Variants in TRERF1 observed in about 807,000 individuals in gnomAD.
The protein encoded by TRERF1 is transcriptional regulating factor 1.
A neutral mutation model predicts 122.9 loss-of-function variants in TRERF1; 27 were observed. The ratio of observed to expected loss-of-function variants is 0.22; its 90% CI spans 0.16 to 0.30. The LOEUF is 0.30. Ranked by LOEUF, TRERF1 falls within the 10% of genes least tolerant of loss-of-function variation. The pLI is 1.00. For synonymous variants in TRERF1, 636 were observed against 641.7 expected (o/e 0.99, Z 0.13); for missense variants, 1,248 against 1,560.3 (o/e 0.80, Z 3.37).
In TRERF1 at chr6:42,427,414, T is replaced by C. The variant is rs141244230; in HGVS notation, c.-454+23763A>G. Among the ~76,000 whole-genome samples the C allele has an allele frequency of 6.6e-5, 10 of 151,940 alleles. No individual in the cohort carries two copies. In the East Asian group the frequency reaches 1.4e-3, roughly 21 times the overall value. Reference sequence around the variant, plus strand: ...CTAGGACTATAGGCGTGCACCACTATGCCCAGCTAACTTTTTTGTAGAGAC... The same window carrying C: ...CTAGGACTATAGGCGTGCACCACTACGCCCAGCTAACTTTTTTGTAGAGAC... On this transcript the variant is annotated intron_variant, in intron 2 of 17. Coordinates refer to ENST00000372922, the Ensembl canonical transcript of TRERF1.
chr6:42,264,683 C>G (rs778595170), intron 7 of TRERF1, 21 bp downstream of exon 7: 2 of 1,611,642 alleles, frequency 1.2e-6, no homozygotes, highest in Non-Finnish European at 1.7e-6. Context: ...TAGAAAGGAC[C>G]GGGAACTGGC....
At chr6:42,408,239 ATGTATATATACATACACATG>A (rs1780515019) in intron 2 of TRERF1, among the ~76,000 whole-genome samples, 1 of 100,452 alleles carries the variant, frequency 1.0e-5, no homozygotes, top group Non-Finnish European at 1.9e-5. Flanking sequence ...GTGTGTGTGT[ATGTATATATACATACACATG>A]TGTGTGTATG....
In TRERF1 at chr6:42,228,320, C is replaced by T. The variant is rs1249366604; in HGVS notation, c.*25G>A. On this transcript the variant is annotated 3_prime_UTR_variant, in exon 18 of 18. Coordinates refer to ENST00000372922, the Ensembl canonical transcript of TRERF1. The surrounding 1 kb of genome is among the most constrained non-coding windows in gnomAD (Gnocchi z 4.2). ...TGAAGATGGAGGCCGTGGGTTTTCA[C>T]TGTCTCTAAGTGACACACAGGGCTT... 1.3e-6 allele frequency: 2 copies of T among 1,557,624 alleles called. No individual in the cohort carries two copies. Among genetic ancestry groups the T allele is most frequent in the Non-Finnish European group, 8.7e-7 (1 of 1,149,654 alleles).
intron 2 of TRERF1, among the ~76,000 whole-genome samples, chr6:42,367,812 CT>C (rs1240205018): frequency 6.6e-6 from 1 of 152,066 alleles, no homozygotes; most frequent in Non-Finnish European, 1.5e-5. Context: ...CATTTTTCAG[CT>C]GGGAGATCTT....
intron 3 of TRERF1, among the ~76,000 whole-genome samples, chr6:42,321,694 A>G (rs950371525): frequency 6.6e-6 from 1 of 152,222 alleles, no homozygotes; most frequent in Non-Finnish European, 1.5e-5. Flanking sequence ...ACTCCAGCAG[A>G]GTGTTACTAT....
chr6:42,335,340 G>C (rs1172790378), intron 3 of TRERF1, among the ~76,000 whole-genome samples: 1 of 152,172 alleles, frequency 6.6e-6, no homozygotes, highest in East Asian at 1.9e-4. Flanking sequence ...AACAGCAGCA[G>C]CCAACCACAC....
chr6:42,269,645 A>G lies in TRERF1; in HGVS notation c.-55T>C. ...CACAAAACCATAAAAAAGGTAAATA[A>G]AACAAACCCAAAAGGACTGAAACCC... On this transcript the variant is annotated 5_prime_UTR_variant, in exon 5 of 18. Coordinates refer to ENST00000372922, the Ensembl canonical transcript of TRERF1. The surrounding 1 kb of genome is among the most constrained non-coding windows in gnomAD (Gnocchi z 4.9). 1 of 1,568,150 alleles carries G rather than the reference A, an allele frequency of 6.4e-7. No homozygotes were observed. The highest frequency in any genetic ancestry group is 8.6e-7 in the Non-Finnish European group (1 of 1,156,648).
intron 3 of TRERF1, among the ~76,000 whole-genome samples, chr6:42,352,762 T>A (rs937371392): frequency 4.6e-5 from 7 of 152,164 alleles, no homozygotes; most frequent in Admixed American, 4.6e-4. Flanking sequence ...CACTTAGTTA[T>A]AAAATATGAA....
chr6:42,439,226 T>TA (rs1786035796), intron 2 of TRERF1, among the ~76,000 whole-genome samples: 1 of 152,162 alleles, frequency 6.6e-6, no homozygotes, highest in Non-Finnish European at 1.5e-5. Flanking sequence ...ACATGCTTCC[T>TA]AACTCCAAAA....
rs1460493766 is a variant in TRERF1, at chr6:42,277,898, GGAAGAAGGAAGAAGAAGAA to G, written c.-258-8069_-258-8051del. On this transcript the variant is annotated intron_variant, in intron 4 of 17. Transcript: ENST00000372922. ...AGAAGGAAGAAGGAAGAAGGAAGAA[GGAAGAAGGAAGAAGAAGAA>G]GAAGAAGAAGAAGAAGAAGAAGAAG... Among the ~76,000 whole-genome samples the G allele has an allele frequency of 1.7e-3, 199 of 113,938 alleles. 1 individual carries two copies. Among genetic ancestry groups the G allele is most frequent in the Admixed American group, 6.0e-3 (65 of 10,884 alleles). 74.7% of individuals were successfully genotyped at this position (113,938 alleles called of 152,430 possible).
chr6:42,287,231 A>C (rs1231588044), intron 4 of TRERF1, among the ~76,000 whole-genome samples: 61 of 148,096 alleles, frequency 4.1e-4, no homozygotes, highest in South Asian at 4.3e-4. Context: ...AGCATGGCAC[A>C]TGTACACATA....
intron 2 of TRERF1, among the ~76,000 whole-genome samples, chr6:42,389,334 C>A (rs1020498021): frequency 1.3e-5 from 2 of 152,230 alleles, no homozygotes; most frequent in African/African-American, 4.8e-5. Flanking sequence ...GAGAGACATT[C>A]TATTGCCAGG....
intron 2 of TRERF1, among the ~76,000 whole-genome samples, chr6:42,383,249 C>T (rs1390600723): frequency 6.6e-6 from 1 of 152,064 alleles, no homozygotes; most frequent in East Asian, 1.9e-4. Flanking sequence ...AAAACAAAAA[C>T]ATATTGAGCA....
In TRERF1 at chr6:42,269,772, G is replaced by T; in HGVS notation, c.-182C>A. 1 of 1,433,638 alleles carries T rather than the reference G, an allele frequency of 7.0e-7. No homozygotes were observed. The highest frequency in any genetic ancestry group is 9.1e-7 in the Non-Finnish European group (1 of 1,099,180). The allele number at this position is 1,433,638 out of a possible 1,614,324, so 88.8% of individuals were successfully genotyped here. On this transcript the variant is annotated 5_prime_UTR_variant, in exon 5 of 18. In the 5' UTR this introduces an upstream ATG that the reference lacks. Coordinates refer to ENST00000372922, the Ensembl canonical transcript of TRERF1. This position sits in a 1 kb window ranked among gnomAD's most constrained non-coding sequence, Gnocchi z 4.9. ...TGTTGGCCTGTACCACTCATGTGCA[G>T]GGCGGGGGGTTTCACATCCTCTCCC...
intron 5 of TRERF1, among the ~76,000 whole-genome samples, chr6:42,267,798 T>G (rs1389960525): frequency 6.6e-6 from 1 of 152,206 alleles, no homozygotes; most frequent in Non-Finnish European, 1.5e-5. Flanking sequence ...GGGACCAATG[T>G]CACAGAGCAT....
intron 3 of TRERF1, among the ~76,000 whole-genome samples, chr6:42,329,359 A>G (rs1021183700): frequency 6.6e-6 from 1 of 151,882 alleles, no homozygotes; most frequent in African/African-American, 2.4e-5. Flanking sequence ...CTGACATTCA[A>G]TCTCTGCCTC....
At chr6:42,302,121 C>A (rs1464447973) in intron 3 of TRERF1, among the ~76,000 whole-genome samples, 3 of 152,142 alleles carry the variant, frequency 2.0e-5, no homozygotes, top group African/African-American at 7.2e-5. Flanking sequence ...AAGCTCCCTC[C>A]CTGAATGAGA....
At chr6:42,278,962 T>C (rs750217592) in intron 4 of TRERF1, among the ~76,000 whole-genome samples, 5 of 152,194 alleles carry the variant, frequency 3.3e-5, no homozygotes, top group Non-Finnish European at 5.9e-5. Context: ...CAGTCTTTTA[T>C]ACCAACTCGC....
rs7741990 is a variant in TRERF1 at position 42,238,372 on chromosome 6, C to T, written c.2860-1961G>A. Among the ~76,000 whole-genome samples, 667 of 152,292 alleles carry T rather than the reference C, an allele frequency of 4.4e-3. 3 individuals are homozygous for T. Among genetic ancestry groups the T allele is most frequent in the African/African-American group, 0.014 (564 of 41,560 alleles). ...CACTGTACCATGATTATGTATGTCTCAGGAATTTAGATAGGTGTTATTTCA... is the reference window on the plus strand; with the variant it reads ...CACTGTACCATGATTATGTATGTCTTAGGAATTTAGATAGGTGTTATTTCA... On this transcript the variant is annotated intron_variant, in intron 15 of 17. Transcript: ENST00000372922.
Sources: gnomAD v4.1 joint callset for allele counts (sites outside exome capture counted in the v4.1 genomes callset) on GRCh38, gnomAD v4.1.1 for gene constraint, Gnocchi (gnomAD v3.1) non-coding constraint, MANE v1.5 for transcripts, NCBI Gene and HGNC (gene_info 2026-07-23, HGNC 2026-07-21) for gene names.